ZMYM2: variants seen among roughly 807,000 people sequenced by gnomAD.
ZMYM2 encodes zinc finger MYM-type containing 2.
In ZMYM2, 56 loss-of-function variants were observed where a neutral mutation model predicts 162.8. That is an observed-to-expected ratio of 0.34 (90% confidence interval 0.28 to 0.43). The LOEUF (loss-of-function observed/expected upper bound fraction) is 0.43. Among genes scored for constraint, ZMYM2 ranks in the 20% least tolerant of loss-of-function variants. ZMYM2 has a pLI of 1.00. For synonymous variants in ZMYM2, 510 were observed against 541.6 expected (o/e 0.94, Z 0.81); for missense variants, 1,275 against 1,621.8 (o/e 0.79, Z 3.67).
intron 2 of ZMYM2, among the ~76,000 whole-genome samples, chr13:19,987,351 C>T (rs1360888309): frequency 1.3e-5 from 2 of 151,766 alleles, no homozygotes; most frequent in Non-Finnish European, 2.9e-5. Context: ...GCAGAATCCA[C>T]CTCCTTGGTT....
chr13:20,079,114 A>G (rs1174881143), intron 21 of ZMYM2, among the ~76,000 whole-genome samples: 1 of 151,670 alleles, frequency 6.6e-6, no homozygotes. Flanking sequence ...ACGTCAAGAG[A>G]TGGAGACCAT....
intron 21 of ZMYM2, among the ~76,000 whole-genome samples, chr13:20,076,649 G>A (rs945907558): frequency 1.3e-5 from 2 of 149,898 alleles, no homozygotes; most frequent in Non-Finnish European, 2.9e-5. Context: ...TATATGGAGG[G>A]ATGTGTTTTT....
the ZMYM2 span, among the ~76,000 whole-genome samples, chr13:19,929,733 G>A: frequency 6.6e-6 from 1 of 152,132 alleles, no homozygotes; most frequent in Non-Finnish European, 1.5e-5. Flanking sequence ...TTTACTATCA[G>A]TGGTTACTTG....
intron 5 of ZMYM2, among the ~76,000 whole-genome samples, chr13:20,005,440 C>G (rs1185710011): frequency 1.3e-5 from 2 of 151,840 alleles, no homozygotes; most frequent in Admixed American, 6.6e-5. Context: ...CTGATTCTCC[C>G]AGAGGATGAT....
At position 20,059,582 on chromosome 13, in the gene ZMYM2, C is replaced by A. The variant is rs1956076568; in HGVS notation, c.2739+20C>A. ...GTTCCTGTAAGTCACATTTTAAGTTCTTTCTCATTTTGAGATTTAGCAGAC... is the reference window on the plus strand; with the variant it reads ...GTTCCTGTAAGTCACATTTTAAGTTATTTCTCATTTTGAGATTTAGCAGAC... On this transcript the variant is annotated intron_variant, in intron 16 of 24. Transcript: ENST00000610343. The A allele has an allele frequency of 9.5e-7, 1 of 1,048,214 alleles. No homozygotes were observed. The highest frequency in any genetic ancestry group is 2.4e-5 in the East Asian group (1 of 42,220). The allele number at this position is 1,048,214 out of a possible 1,614,324, so 64.9% of individuals were successfully genotyped here.
chr13:20,072,598 G>A (rs923551300), intron 21 of ZMYM2, among the ~76,000 whole-genome samples: 1 of 152,150 alleles, frequency 6.6e-6, no homozygotes. Context: ...GAAAGAATTT[G>A]TGAGAATTGG....
At position 20,079,456 on chromosome 13, in the gene ZMYM2, G is replaced by A. The variant is rs555667981; in HGVS notation, c.3454-2560G>A. ...TATCTATAAGTTGCTGCTCTTCTTC[G>A]CAGCTTCTCCTTTGCCTCTGTTCCT... On this transcript the variant is annotated intron_variant, in intron 21 of 24. Coordinates refer to ENST00000610343, the MANE Select transcript of ZMYM2 (RefSeq NM_197968.4). 4.0e-5 allele frequency among the ~76,000 whole-genome samples: 6 copies of A among 148,260 alleles called. No homozygotes were observed. In the South Asian group the frequency reaches 8.5e-4, roughly 21 times the overall value.
At chr13:19,988,522 G>A (rs1046165095) in intron 2 of ZMYM2, among the ~76,000 whole-genome samples, 1 of 152,148 alleles carries the variant, frequency 6.6e-6, no homozygotes, top group Non-Finnish European at 1.5e-5. Context: ...GCTCACTCAC[G>A]CCTGTAATTC....
chr13:20,004,958 C>T, intron 4 of ZMYM2, 116 bp from the exon 5 acceptor site: 9 of 725,250 alleles, frequency 1.2e-5, no homozygotes, highest in South Asian at 5.4e-5. Flanking sequence ...TTATTAGATC[C>T]AAGAATGATG....
intron 6 of ZMYM2, among the ~76,000 whole-genome samples, chr13:20,010,567 G>T (rs924186785): frequency 6.6e-6 from 1 of 152,050 alleles, no homozygotes. Context: ...ATCTATTCAA[G>T]TCCTGTCTCT....
chr13:20,068,874 T>C (rs1351961084), intron 21 of ZMYM2, among the ~76,000 whole-genome samples: 3 of 152,130 alleles, frequency 2.0e-5, no homozygotes, highest in Non-Finnish European at 2.9e-5. Flanking sequence ...CATTCCTACT[T>C]TTGGGGGCTG....
At chr13:19,911,199 G>T in the ZMYM2 span, among the ~76,000 whole-genome samples, 11 of 151,894 alleles carry the variant, frequency 7.2e-5, no homozygotes, top group African/African-American at 2.7e-4. Flanking sequence ...TGAAAATATA[G>T]GCATGCACCA....
At chr13:19,955,893 C>G (rs889269323), upstream of ZMYM2, among the ~76,000 whole-genome samples, 2 of 152,214 alleles carry the variant, frequency 1.3e-5, no homozygotes, top group African/African-American at 4.8e-5. Context: ...AAGTCTTTTG[C>G]TCACGTCTTG....
the ZMYM2 span, among the ~76,000 whole-genome samples, chr13:19,885,866 TATATATGTATATACAC>T: frequency 2.1e-4 from 17 of 80,588 alleles, 3 homozygotes; most frequent in South Asian, 9.8e-4. Context: ...AAAAAAAATA[TATATATGTATATACAC>T]ATATATATGT....
rs531282442 is a variant in ZMYM2 at position 19,976,302 on chromosome 13, T to G, written c.-11+16276T>G. Among the ~76,000 whole-genome samples, 524 of 146,824 alleles carry G rather than the reference T, an allele frequency of 3.6e-3. 3 individuals are homozygous for G. The highest frequency in any genetic ancestry group is 5.0e-3 in the Non-Finnish European group (337 of 67,214). On this transcript the variant is annotated intron_variant, in intron 2 of 24. Coordinates refer to ENST00000610343, the MANE Select transcript of ZMYM2 (RefSeq NM_197968.4). Reference sequence around the variant, plus strand: ...AGGATCATGCCACTGCACTCCAGCCTGGCGACAGAGTGAGACTGCACCTCA... The same window carrying G: ...AGGATCATGCCACTGCACTCCAGCCGGGCGACAGAGTGAGACTGCACCTCA...
intron 2 of ZMYM2, among the ~76,000 whole-genome samples, chr13:19,962,174 A>G (rs1235909489): frequency 6.6e-6 from 1 of 151,746 alleles, no homozygotes; most frequent in Non-Finnish European, 1.5e-5. Context: ...AGCTTATATT[A>G]TCTTTGAACA....
chr13:19,906,602 A>G, the ZMYM2 span, among the ~76,000 whole-genome samples: 4 of 151,070 alleles, frequency 2.6e-5, no homozygotes, highest in South Asian at 6.3e-4. Flanking sequence ...AAATCATGCC[A>G]CTCAACTGTG....
chr13:20,047,795 G>C (rs1457913285), intron 12 of ZMYM2, among the ~76,000 whole-genome samples: 1 of 151,894 alleles, frequency 6.6e-6, no homozygotes, highest in African/African-American at 2.4e-5. Context: ...TTCTAAATTG[G>C]AATAAGAAAT....
chr13:19,951,353 G>T, the ZMYM2 span, among the ~76,000 whole-genome samples: 1 of 151,866 alleles, frequency 6.6e-6, no homozygotes, highest in African/African-American at 2.4e-5. Flanking sequence ...ATCCACAATA[G>T]GAACTCAAAT....
Sources: gnomAD v4.1 joint callset for allele counts (sites outside exome capture counted in the v4.1 genomes callset) on GRCh38, gnomAD v4.1.1 for gene constraint, MANE v1.5 for transcripts, NCBI Gene and HGNC (gene_info 2026-07-23, HGNC 2026-07-21) for gene names.